PDXK: variants seen among roughly 807,000 people sequenced by gnomAD.
PDXK encodes the protein epididymis secretory sperm binding protein Li 1a.
Under a neutral mutation model 43.2 loss-of-function variants are expected in PDXK, and 15 were observed. That is an observed-to-expected ratio of 0.35 (90% confidence interval 0.23 to 0.53). The LOEUF (loss-of-function observed/expected upper bound fraction) is 0.53, where lower values mean the gene tolerates loss of function less well. Ranked by LOEUF, PDXK falls within the 20% of genes least tolerant of loss-of-function variation. The pLI, the probability that PDXK is intolerant of heterozygous loss-of-function variation, is 0.92. For missense variants in PDXK, 343 were observed against 417.0 expected, an observed-to-expected ratio of 0.82 and a Z score of 1.54; for synonymous variants, 172 against 165.4, an observed-to-expected ratio of 1.04 and a Z score of -0.31.
intron 5 of PDXK, among the ~76,000 whole-genome samples, chr21:43,746,760 G>A (rs2083645400): frequency 6.6e-6 from 1 of 152,194 alleles, no homozygotes; most frequent in Non-Finnish European, 1.5e-5. Flanking sequence ...TGTGGACACT[G>A]AAATTTGAAT....
At chr21:43,727,949 C>A (rs988635285) in intron 1 of PDXK, among the ~76,000 whole-genome samples, 3 of 152,254 alleles carry the variant, frequency 2.0e-5, no homozygotes, top group Admixed American at 2.0e-4. Context: ...TCTGAGCCAG[C>A]CATGACCTCT....
chr21:43,741,924 C>A (rs1386265357), intron 3 of PDXK, among the ~76,000 whole-genome samples, 153 bp downstream of exon 3: 1 of 152,134 alleles, frequency 6.6e-6, no homozygotes, highest in Admixed American at 6.5e-5. Context: ...CATCACACCC[C>A]CGGTAGCCTG....
Position 43,728,744 on chromosome 21 carries a change from G to C in PDXK, c.88-5325G>C, listed in dbSNP as rs568788536. 2.5e-5 allele frequency: 25 copies of C among 985,752 alleles called. No individual in the cohort carries two copies. The African/African-American group carries it at 2.8e-4, about 11-fold the overall frequency. The allele number at this position is 985,752 out of a possible 1,614,324, so 61.1% of individuals were successfully genotyped here. ...CCACCGGCCGAGGGAGGAGGACTGC[G>C]GGCTGCGCCTGGGCAGGGGATGAGC... On this transcript the variant is annotated intron_variant, in intron 1 of 10. Transcript: ENST00000291565.
rs894723578 is a variant in PDXK at position 43,719,201 on chromosome 21, GGCCGGAGCCCGAGCCCGAGCCGA to G, written c.-79_-57del. On this transcript the variant is annotated 5_prime_UTR_variant, in exon 1 of 11. Transcript: ENST00000291565. ...CAGAGTCGCAGCCGAGGGGAGCCGG[GGCCGGAGCCCGAGCCCGAGCCGA>G]GCCGGAGCCCGAGCGAGCGGCGGAG... 65 of 588,016 alleles carry G rather than the reference GGCCGGAGCCCGAGCCCGAGCCGA, an allele frequency of 1.1e-4. No individual in the cohort carries two copies. The highest frequency in any genetic ancestry group is 1.6e-4 in the African/African-American group (8 of 50,690). The allele number at this position is 588,016 out of a possible 1,614,324, so 36.4% of individuals were successfully genotyped here.
At chr21:43,745,737 C>T (rs1388307416) in intron 4 of PDXK, 1 of 280,944 alleles carries the variant, frequency 3.6e-6, no homozygotes, top group Non-Finnish European at 6.8e-6. Flanking sequence ...TTGCTCACAC[C>T]TGTGATCTGA....
intron 9 of PDXK, among the ~76,000 whole-genome samples, chr21:43,755,294 G>A (rs886155977): frequency 3.9e-5 from 6 of 152,172 alleles, no homozygotes; most frequent in African/African-American, 1.2e-4. Flanking sequence ...ACTGAGTGAT[G>A]ATTGGCTGAC....
intron 5 of PDXK, among the ~76,000 whole-genome samples, chr21:43,747,759 A>G (rs1048191308): frequency 6.6e-6 from 1 of 152,174 alleles, no homozygotes; most frequent in Non-Finnish European, 1.5e-5. Flanking sequence ...TTTTGATCAC[A>G]TTTGTTTTCC....
chr21:43,730,190 G>A (rs1246264129), intron 1 of PDXK, among the ~76,000 whole-genome samples: 1 of 151,946 alleles, frequency 6.6e-6, no homozygotes, highest in Non-Finnish European at 1.5e-5. Context: ...GCTAGTTGCA[G>A]TCTTGGCTCA....
At chr21:43,736,629 G>GTTT (rs34234452) in intron 2 of PDXK, among the ~76,000 whole-genome samples, 17 of 118,630 alleles carry the variant, frequency 1.4e-4, no homozygotes, top group Admixed American at 2.6e-4. Context: ...TCCTTTTTCT[G>GTTT]TTTTTTTTTT....
intron 1 of PDXK, among the ~76,000 whole-genome samples, chr21:43,724,681 G>GAA (rs540983811): frequency 3.7e-5 from 5 of 134,704 alleles, no homozygotes; most frequent in East Asian, 2.1e-4. Context: ...AGCTCTACAA[G>GAA]AAAAAAAAAA....
At chr21:43,730,280 T>C (rs57338858) in intron 1 of PDXK, among the ~76,000 whole-genome samples, 1 of 151,974 alleles carries the variant, frequency 6.6e-6, no homozygotes, top group Non-Finnish European at 1.5e-5. Context: ...CACGAGCCAC[T>C]ACACCCGGCC....
At chr21:43,733,534 C>A in intron 1 of PDXK, 1 of 412,614 alleles carries the variant, frequency 2.4e-6, no homozygotes. Context: ...CCCTCACCCT[C>A]TCCCTCCCTC....
intron 1 of PDXK, among the ~76,000 whole-genome samples, chr21:43,729,343 C>T (rs149882540): frequency 6.6e-6 from 1 of 152,358 alleles, no homozygotes; most frequent in East Asian, 1.9e-4. Flanking sequence ...GCTCCGTAGG[C>T]ACGGTTGCAG....
intron 2 of PDXK, among the ~76,000 whole-genome samples, chr21:43,739,589 G>T (rs1425221914): frequency 1.3e-5 from 2 of 148,648 alleles, no homozygotes; most frequent in Non-Finnish European, 3.0e-5. Context: ...GAGGGGCCCA[G>T]GGTTTTAAAA....
At chr21:43,753,505 A>G (rs2147316697) in intron 8 of PDXK, 78 bp from the exon 9 acceptor site, 2 of 1,483,288 alleles carry the variant, frequency 1.3e-6, no homozygotes, top group Non-Finnish European at 1.8e-6. Context: ...CGCCGTGCCC[A>G]GGAGGATCAG....
chr21:43,732,229 C>A lies in PDXK; in HGVS notation c.88-1840C>A. The A allele has an allele frequency of 6.9e-7, 1 of 1,457,502 alleles. No homozygotes were observed. The highest frequency in any genetic ancestry group is 9.0e-7 in the Non-Finnish European group (1 of 1,110,180). 90.3% of individuals were successfully genotyped at this position (1,457,502 alleles called of 1,614,324 possible). On this transcript the variant is annotated intron_variant, in intron 1 of 10. Transcript: ENST00000291565. The surrounding 1 kb of genome is among the most constrained non-coding windows in gnomAD (Gnocchi z 4.1). ...TGCCAATTCCAGAGGCATGGTCCGG[C>A]ACAGAGCGCTGGCTTCCAGCTGAAG...
At position 43,756,155 on chromosome 21, in the gene PDXK, C is replaced by T. The variant is rs1312681389; in HGVS notation, c.*92C>T. 7 of 704,306 alleles carry T rather than the reference C, an allele frequency of 9.9e-6. No homozygotes were observed. Among genetic ancestry groups the T allele is most frequent in the East Asian group, 8.4e-5 (3 of 35,816 alleles). The allele number at this position is 704,306 out of a possible 1,614,324, so 43.6% of individuals were successfully genotyped here. ...GTAACGTCTGCCTTAGAGCCATGAC[C>T]GAAACTTGATATTTTTTTCTTTCAT... On this transcript the variant is annotated 3_prime_UTR_variant, in exon 11 of 11. Transcript: ENST00000291565.
rs753016561 is a variant in PDXK at position 43,748,977 on chromosome 21, G to C, written c.379-18G>C. The C allele has an allele frequency of 6.5e-7, 1 of 1,534,010 alleles. No individual in the cohort carries two copies. The highest frequency in any genetic ancestry group is 1.7e-5 in the Admixed American group (1 of 58,950). On this transcript the variant is annotated intron_variant, in intron 5 of 10. Transcript: ENST00000291565. ...TCACGGTGACTCAGCCTCTCCTCCT[G>C]TCTCCTTTGTTGGCCAGTACGTCCC... is the stretch of plus-strand genomic sequence containing the variant.
chr21:43,740,643 G>A (rs1320647237), intron 2 of PDXK, among the ~76,000 whole-genome samples: 3 of 151,876 alleles, frequency 2.0e-5, no homozygotes, highest in East Asian at 3.9e-4. Context: ...TGGTGGTCCC[G>A]CCTGCAGGAA....
Sources: allele counts gnomAD v4.1 joint callset (sites outside exome capture counted in the v4.1 genomes callset), GRCh38; gene constraint gnomAD v4.1.1; non-coding constraint Gnocchi (gnomAD v3.1); transcripts MANE v1.5; gene names NCBI Gene and HGNC (gene_info 2026-07-23, HGNC 2026-07-21).